The following SLC36A2 variants were observed in gnomAD, a reference collection of about 807,000 sequenced individuals.
The protein encoded by SLC36A2 is proton-coupled amino acid transporter 2.
In SLC36A2, 39 loss-of-function variants were observed where a neutral mutation model predicts 42.7. The observed-to-expected ratio is 0.91, with a 90% CI of 0.71 to 1.19. The LOEUF is 1.19. Ranked by LOEUF, SLC36A2 falls within the 50% of genes most tolerant of loss-of-function variation. The probability of loss-of-function intolerance (pLI) is 0.00; values close to 1 mark genes in which losing one functional copy is unlikely to be tolerated. For missense variants in SLC36A2, 590 were observed against 613.7 expected, an observed-to-expected ratio of 0.96 and a Z score of 0.41; for synonymous variants, 237 against 240.8, an observed-to-expected ratio of 0.98 and a Z score of 0.15.
intron 7 of SLC36A2, among the ~76,000 whole-genome samples, chr5:151,329,759 A>G (rs1276076180): frequency 2.6e-5 from 4 of 152,272 alleles, no homozygotes; most frequent in Non-Finnish European, 4.4e-5. Context: ...AACAAAGAGC[A>G]AAGAGATTTT....
intron 2 of SLC36A2, among the ~76,000 whole-genome samples, 187 bp downstream of exon 2, chr5:151,343,990 A>G (rs1286416924): frequency 1.3e-5 from 2 of 152,154 alleles, no homozygotes; most frequent in East Asian, 1.9e-4. Context: ...CAAATGACTT[A>G]CCAAAGGTAC....
intron 4 of SLC36A2, among the ~76,000 whole-genome samples, 189 bp from the exon 5 acceptor site, chr5:151,339,333 A>G (rs1414888606): frequency 1.6e-5 from 2 of 124,326 alleles, no homozygotes; most frequent in East Asian, 2.4e-4. Context: ...TTTTTTTTTT[A>G]GAAGGAGTTT....
chr5:151,337,660 C>G (rs537846875), intron 5 of SLC36A2, among the ~76,000 whole-genome samples: 3 of 152,022 alleles, frequency 2.0e-5, no homozygotes, highest in Non-Finnish European at 4.4e-5. Context: ...GTAATTTTAC[C>G]TTAAGAAACA....
chr5:151,322,319 T>C (rs777060335), intron 8 of SLC36A2, 104 bp from the exon 9 acceptor site: 1 of 1,372,974 alleles, frequency 7.3e-7, no homozygotes, highest in Non-Finnish European at 1.0e-6. Flanking sequence ...TGGGCTTTTG[T>C]TTCCCTTTCT....
chr5:151,330,366 A>G (rs911577272), intron 7 of SLC36A2, among the ~76,000 whole-genome samples: 7 of 152,232 alleles, frequency 4.6e-5, no homozygotes, highest in African/African-American at 1.7e-4. Flanking sequence ...TTCTCATCAG[A>G]AACCACTGAG....
chr5:151,316,605 TG>T lies in SLC36A2; in HGVS notation c.*211del. ...AAAATACAAAATTAGCCAGGCGTGC[TG>T]GACTATGCCTCTAATCCCAACTACT... On this transcript the variant is annotated 3_prime_UTR_variant, in exon 10 of 10. Coordinates refer to ENST00000335244, the MANE Select transcript of SLC36A2 (RefSeq NM_181776.3). 1 of 584,500 alleles carries T rather than the reference TG, an allele frequency of 1.7e-6. No homozygotes were observed. Among genetic ancestry groups the T allele is most frequent in the Non-Finnish European group, 2.9e-6 (1 of 343,000 alleles). The allele number at this position is 584,500 out of a possible 1,614,324, so 36.2% of individuals were successfully genotyped here. A position where few individuals can be genotyped will look rare whatever the true frequency, so the allele number is the denominator to read the frequency against.
At chr5:151,323,840 G>A (rs1207988442) in intron 8 of SLC36A2, among the ~76,000 whole-genome samples, 3 of 152,222 alleles carry the variant, frequency 2.0e-5, no homozygotes, top group African/African-American at 7.2e-5. Context: ...AGTGCCACTT[G>A]GCATCTGCTT....
chr5:151,326,579 A>G (rs1755856468), intron 7 of SLC36A2, among the ~76,000 whole-genome samples: 1 of 152,150 alleles, frequency 6.6e-6, no homozygotes, highest in South Asian at 2.1e-4. Context: ...TTCTAAGAGA[A>G]TCCAAGTTGA....
Position 151,315,644 on chromosome 5 carries a change from A to G in SLC36A2, c.*1173T>C, listed in dbSNP as rs1016702536. 1 of 152,214 alleles carries G rather than the reference A, an allele frequency of 6.6e-6. No individual in the cohort carries two copies. The highest frequency in any genetic ancestry group is 2.4e-5 in the African/African-American group (1 of 41,438). 9.4% of individuals were successfully genotyped at this position (152,214 alleles called of 1,614,324 possible). A position where few individuals can be genotyped will look rare whatever the true frequency, so the allele number is the denominator to read the frequency against. On this transcript the variant is annotated 3_prime_UTR_variant, in exon 10 of 10. Coordinates refer to ENST00000335244, the MANE Select transcript of SLC36A2 (RefSeq NM_181776.3). ...TTCATCTCAAAAAAACAAAACACAA[A>G]ACAAAACCGACAAACAAGCAAAAAA...
rs1024554095 is a variant in SLC36A2, at chr5:151,343,518, G to A, written c.336C>T (p.Phe112=). 1.9e-6 allele frequency: 3 copies of A among 1,614,098 alleles called. No individual in the cohort carries two copies. Among genetic ancestry groups the A allele is most frequent in the Non-Finnish European group, 2.5e-6 (3 of 1,180,036 alleles). ...MHILVKCAQR[F]CKRLNKPFMD... The stretch of plus-strand genomic sequence containing the variant: ...GAGGCTGTTTTCCTCACCTCTTACA[G>A]AAGCGCTGGGCACACTTGACCAGGA... The change falls in exon 3 of 10, where the codon TTC becomes TTT. Residue 112 remains phenylalanine, a synonymous_variant. Transcript: ENST00000335244.
intron 2 of SLC36A2, 60 bp from the exon 3 acceptor site, chr5:151,343,658 A>C (rs1756413085): frequency 6.8e-7 from 1 of 1,467,244 alleles, no homozygotes; most frequent in African/African-American, 1.4e-5. Context: ...TATGAAGAAT[A>C]CTGCAAGATG....
intron 5 of SLC36A2, among the ~76,000 whole-genome samples, chr5:151,337,118 G>A (rs943528102): frequency 3.9e-5 from 6 of 152,080 alleles, no homozygotes; most frequent in African/African-American, 7.2e-5. Context: ...CATTAGTTAC[G>A]TACTCAAGGC....
intron 5 of SLC36A2, 121 bp downstream of exon 5, chr5:151,338,939 C>A: frequency 1.3e-6 from 1 of 760,002 alleles, no homozygotes; most frequent in Non-Finnish European, 2.3e-6. Flanking sequence ...TTGACAACAT[C>A]TAGTTTAACT....
chr5:151,338,095 AT>A (rs966882691), intron 5 of SLC36A2, among the ~76,000 whole-genome samples: 2 of 152,218 alleles, frequency 1.3e-5, no homozygotes, highest in African/African-American at 4.8e-5. Flanking sequence ...CATGGAGATA[AT>A]TCAATGATGG....
chr5:151,315,849 T>C lies in SLC36A2; in HGVS notation c.*968A>G, dbSNP rs887003256. On this transcript the variant is annotated 3_prime_UTR_variant, in exon 10 of 10. Transcript: ENST00000335244. ...GTAAAGTCTATTCAAATAATATTCA[T>C]GTTCACTCCTCATCCCTCCCCATTG... The C allele has an allele frequency of 2.6e-5, 4 of 152,254 alleles. No individual in the cohort carries two copies. The highest frequency in any genetic ancestry group is 4.4e-5 in the Non-Finnish European group (3 of 68,046). 9.4% of individuals were successfully genotyped at this position (152,254 alleles called of 1,614,324 possible).
intron 8 of SLC36A2, among the ~76,000 whole-genome samples, chr5:151,323,182 C>T (rs1229020293): frequency 1.1e-4 from 16 of 152,088 alleles, no homozygotes; most frequent in African/African-American, 2.4e-5. Context: ...TTGCAGTGAG[C>T]TGAGATCGCA....
intron 7 of SLC36A2, among the ~76,000 whole-genome samples, chr5:151,330,605 A>G (rs1755968461): frequency 6.6e-6 from 1 of 152,258 alleles, no homozygotes; most frequent in African/African-American, 2.4e-5. Flanking sequence ...TTCAAGAATA[A>G]AGAAAGAGCG....
At chr5:151,317,821 GGTGCTT>G (rs1189145086) in intron 9 of SLC36A2, among the ~76,000 whole-genome samples, 1 of 152,126 alleles carries the variant, frequency 6.6e-6, no homozygotes, top group African/African-American at 2.4e-5. Flanking sequence ...TCAGTGGTTG[GGTGCTT>G]GTGAATTCAA....
chr5:151,319,077 G>T lies in SLC36A2; in HGVS notation c.1181-1989C>A, dbSNP rs567191796. Reference sequence around the variant, plus strand: ...CTTGTTTCCTCAGCTGCAAAATGGAGATGAAGGCTACTATCCTTTTAGGTA... The same window carrying T: ...CTTGTTTCCTCAGCTGCAAAATGGATATGAAGGCTACTATCCTTTTAGGTA... On this transcript the variant is annotated intron_variant, in intron 9 of 9. Coordinates refer to ENST00000335244, the MANE Select transcript of SLC36A2 (RefSeq NM_181776.3). 2.4e-4 allele frequency: 199 copies of T among 815,176 alleles called. No homozygotes were observed. The Middle Eastern group carries it at 3.1e-3, about 13-fold the overall frequency. The allele number at this position is 815,176 out of a possible 1,614,324, so 50.5% of individuals were successfully genotyped here. A position where few individuals can be genotyped will look rare whatever the true frequency, so the allele number is the denominator to read the frequency against.
Sources: allele counts gnomAD v4.1 joint callset (sites outside exome capture counted in the v4.1 genomes callset), GRCh38; gene constraint gnomAD v4.1.1; transcripts MANE v1.5; gene names NCBI Gene and HGNC (gene_info 2026-07-23, HGNC 2026-07-21).